Variants in PRPF6 observed in about 807,000 individuals in gnomAD.
PRPF6 encodes the protein pre-mRNA-processing factor 6.
A neutral mutation model predicts 118.3 loss-of-function variants in PRPF6; 42 were observed. That is an observed-to-expected ratio of 0.35 (90% CI 0.28 to 0.46). PRPF6 has a LOEUF of 0.46. Among genes scored for constraint, PRPF6 ranks in the 20% least tolerant of loss-of-function variants. The pLI is 1.00. For missense variants in PRPF6, 662 were observed against 1,255.7 expected, an observed-to-expected ratio of 0.53 and a Z score of 7.15; for synonymous variants, 481 against 485.1, an observed-to-expected ratio of 0.99 and a Z score of 0.11.
intron 9 of PRPF6, among the ~76,000 whole-genome samples, chr20:64,009,461 G>A (rs534213431): frequency 4.6e-5 from 7 of 152,178 alleles, no homozygotes; most frequent in Non-Finnish European, 7.4e-5. Context: ...CGTGGCTGAC[G>A]CCCATAATCC....
At chr20:64,002,405 G>T (rs1247146998) in intron 9 of PRPF6, among the ~76,000 whole-genome samples, 1 of 150,798 alleles carries the variant, frequency 6.6e-6, no homozygotes, top group African/African-American at 2.4e-5. Context: ...GCACGATCTT[G>T]GCTCACTGCA....
intron 3 of PRPF6, among the ~76,000 whole-genome samples, 181 bp from the exon 4 acceptor site, chr20:63,993,226 A>ATATGTG (rs1491434197): frequency 1.5e-5 from 2 of 129,336 alleles, no homozygotes; most frequent in Non-Finnish European, 3.2e-5. Context: ...AAAAAAAAAA[A>ATATGTG]TGTGTGTGTG....
chr20:64,017,686 G>A (rs115871001), intron 12 of PRPF6, among the ~76,000 whole-genome samples: 1,937 of 152,378 alleles, frequency 0.013, 36 homozygotes, highest in African/African-American at 0.044. Flanking sequence ...CCTGGCCGCA[G>A]ATTTGCTTTC....
chr20:64,019,706 A>T (rs1187107636), intron 12 of PRPF6, among the ~76,000 whole-genome samples: 1 of 152,124 alleles, frequency 6.6e-6, no homozygotes, highest in East Asian at 1.9e-4. Flanking sequence ...CCAGGGCCTG[A>T]CCCTCACCGG....
chr20:64,024,464 G>A (rs1480545165), intron 13 of PRPF6, 91 bp from the exon 14 acceptor site: 3 of 1,529,456 alleles, frequency 2.0e-6, no homozygotes, highest in African/African-American at 1.4e-5. Flanking sequence ...AGCAGTAACT[G>A]TCTTTCTGGC....
intron 3 of PRPF6, among the ~76,000 whole-genome samples, chr20:63,988,625 C>G (rs2059105340): frequency 6.6e-6 from 1 of 152,068 alleles, no homozygotes; most frequent in Non-Finnish European, 1.5e-5. Flanking sequence ...TGCCTGTAAT[C>G]CCAACACTTT....
rs775036072 is a variant in PRPF6 at position 64,011,201 on chromosome 20, C to T, written c.1306-84C>T. On this transcript the variant is annotated intron_variant, in intron 10 of 20. Coordinates refer to ENST00000266079, the MANE Select transcript of PRPF6 (RefSeq NM_012469.4). This position sits in a 1 kb window ranked among gnomAD's most constrained non-coding sequence, Gnocchi z 6.7. ...AGCTAAGAAAGAACGTGGTGGCCAA[C>T]GCTGGAGGGTGGGTCGCTGTCTGGC... 38 of 1,291,538 alleles carry T rather than the reference C, an allele frequency of 2.9e-5. No homozygotes were observed. The highest frequency in any genetic ancestry group is 4.9e-5 in the South Asian group (4 of 81,446). The allele number at this position is 1,291,538 out of a possible 1,614,324, so 80.0% of individuals were successfully genotyped here. A position where few individuals can be genotyped will look rare whatever the true frequency, so the allele number is the denominator to read the frequency against.
intron 3 of PRPF6, among the ~76,000 whole-genome samples, chr20:63,986,767 C>T (rs1476489783): frequency 6.6e-6 from 1 of 151,760 alleles, no homozygotes; most frequent in African/African-American, 2.4e-5. Flanking sequence ...GGATTACAGG[C>T]GTGAGCCACT....
intron 12 of PRPF6, among the ~76,000 whole-genome samples, chr20:64,021,323 CCT>C (rs1337999869): frequency 7.0e-6 from 1 of 143,198 alleles, no homozygotes; most frequent in East Asian, 2.1e-4. Flanking sequence ...TATGCATATG[CCT>C]CAGCCACAGC....
chr20:64,031,788 C>T, intron 19 of PRPF6, 130 bp from the exon 20 acceptor site: 5 of 1,264,988 alleles, frequency 4.0e-6, no homozygotes, highest in Non-Finnish European at 5.8e-6. Context: ...CCCTGATCCT[C>T]AGGCCTTCTT....
intron 4 of PRPF6, among the ~76,000 whole-genome samples, chr20:63,994,697 G>A (rs1040220031): frequency 6.6e-6 from 1 of 152,160 alleles, no homozygotes; most frequent in Admixed American, 6.6e-5. Context: ...CTTGAGCCTG[G>A]GAGGTTGAGG....
intron 12 of PRPF6, 60 bp from the exon 13 acceptor site, chr20:64,022,697 A>G: frequency 6.2e-7 from 1 of 1,609,674 alleles, no homozygotes; most frequent in South Asian, 1.1e-5. Flanking sequence ...GGAGGGCATC[A>G]TGCCACTTGT....
Position 63,981,396 on chromosome 20 carries a change from G to T in PRPF6, c.71+80G>T, listed in dbSNP as rs1405225155. On this transcript the variant is annotated intron_variant, in intron 1 of 20. Coordinates refer to ENST00000266079, the MANE Select transcript of PRPF6 (RefSeq NM_012469.4). ...CTTTGGGGCGTGTTTGGGGGCGGGG[G>T]TCTATGGCCGCGCAGTCTGAAAGAC... is the stretch of plus-strand genomic sequence containing the variant. The T allele has an allele frequency of 7.5e-6, 10 of 1,341,290 alleles. No individual in the cohort carries two copies. The East Asian group carries it at 1.0e-4, about 13-fold the overall frequency. The allele number at this position is 1,341,290 out of a possible 1,614,324, so 83.1% of individuals were successfully genotyped here.
chr20:64,009,195 C>T (rs191433887), intron 9 of PRPF6, among the ~76,000 whole-genome samples: 35 of 146,776 alleles, frequency 2.4e-4, no homozygotes, highest in Admixed American at 5.0e-4. Flanking sequence ...GCAGGAGAAT[C>T]GCTTGAACCC....
chr20:63,983,341 A>G, intron 2 of PRPF6, 126 bp downstream of exon 2: 3 of 1,209,552 alleles, frequency 2.5e-6, no homozygotes, highest in Non-Finnish European at 1.2e-6. Flanking sequence ...TTAGCTATTC[A>G]TGGAACATCT....
chr20:63,991,059 T>G (rs1425543186), intron 3 of PRPF6, among the ~76,000 whole-genome samples: 3 of 152,136 alleles, frequency 2.0e-5, no homozygotes, highest in African/African-American at 7.2e-5. Context: ...GTGCTAGGAT[T>G]ACAGGCATGA....
At chr20:64,013,916 C>T (rs2059226366) in intron 11 of PRPF6, among the ~76,000 whole-genome samples, 1 of 152,022 alleles carries the variant, frequency 6.6e-6, no homozygotes, top group Admixed American at 6.6e-5. Context: ...ATTTTCATAC[C>T]TCTGTAGCCT....
Position 63,981,163 on chromosome 20 carries a change from A to G in PRPF6, c.-83A>G, listed in dbSNP as rs527686294. The G allele has an allele frequency of 7.5e-5, 106 of 1,413,968 alleles. No homozygotes were observed. The highest frequency in any genetic ancestry group is 3.5e-4 in the Admixed American group (18 of 50,924). The allele number at this position is 1,413,968 out of a possible 1,614,324, so 87.6% of individuals were successfully genotyped here. ...GACACTTTGCTACGGAGTGCATCGGACGTCGAAGCCTAGAGTCTCTGCGTC... is the reference window on the plus strand; with the variant it reads ...GACACTTTGCTACGGAGTGCATCGGGCGTCGAAGCCTAGAGTCTCTGCGTC... On this transcript the variant is annotated 5_prime_UTR_variant, in exon 1 of 21. Transcript: ENST00000266079.
At chr20:64,031,301 G>T (rs568037411) in intron 19 of PRPF6, among the ~76,000 whole-genome samples, 12 of 152,370 alleles carry the variant, frequency 7.9e-5, no homozygotes, top group African/African-American at 2.9e-4. Flanking sequence ...GTTTAATTTT[G>T]TGTCAGGTTT....
Sources: allele counts gnomAD v4.1 joint callset (sites outside exome capture counted in the v4.1 genomes callset), GRCh38; gene constraint gnomAD v4.1.1; non-coding constraint Gnocchi (gnomAD v3.1); transcripts MANE v1.5; gene names NCBI Gene and HGNC (gene_info 2026-07-23, HGNC 2026-07-21).